Variants in AGO2 observed in about 807,000 individuals in gnomAD.
The protein encoded by AGO2 is protein argonaute-2.
In AGO2, 5 loss-of-function variants were observed where a neutral mutation model predicts 102.3. The observed-to-expected ratio is 0.05, with a 90% confidence interval of 0.03 to 0.10. AGO2 has a LOEUF of 0.10. AGO2 is among the 10% of genes least tolerant of loss of function. The probability of loss-of-function intolerance (pLI) is 1.00; values close to 1 mark genes in which losing one functional copy is unlikely to be tolerated. For synonymous variants in AGO2, 449 were observed against 473.1 expected (o/e 0.95, Z 0.66); for missense variants, 541 against 1,183.7 (o/e 0.46, Z 7.97).
intron 1 of AGO2, among the ~76,000 whole-genome samples, chr8:140,595,628 A>T (rs377571292): frequency 5.5e-4 from 60 of 109,328 alleles, no homozygotes; most frequent in Admixed American, 1.4e-3. Context: ...ATATATATAT[A>T]TTATATATAT....
chr8:140,633,899 C>T (rs983159823), intron 1 of AGO2, among the ~76,000 whole-genome samples: 1 of 152,262 alleles, frequency 6.6e-6, no homozygotes, highest in Non-Finnish European at 1.5e-5. Context: ...ACACAGAAAG[C>T]TTGACCTTCC....
rs1190118996 is a variant in AGO2 at position 140,527,356 on chromosome 8, T to C, written c.*4688A>G. Reference sequence around the variant, plus strand: ...GCAGTGTCTCCACAACAGAGCCACGTGTTGCATTCATGTCACTTCTCCTAC... The same window carrying C: ...GCAGTGTCTCCACAACAGAGCCACGCGTTGCATTCATGTCACTTCTCCTAC... On this transcript the variant is annotated 3_prime_UTR_variant, in exon 19 of 19. Coordinates refer to ENST00000220592, the MANE Select transcript of AGO2 (RefSeq NM_012154.5). This position sits in a 1 kb window ranked among gnomAD's most constrained non-coding sequence, Gnocchi z 6.0. 2 of 152,362 alleles carry C rather than the reference T, an allele frequency of 1.3e-5. No homozygotes were observed. Among genetic ancestry groups the C allele is most frequent in the Admixed American group, 6.5e-5 (1 of 15,284 alleles). 9.4% of individuals were successfully genotyped at this position (152,362 alleles called of 1,614,324 possible). A position where few individuals can be genotyped will look rare whatever the true frequency, so the allele number is the denominator to read the frequency against.
chr8:140,576,027 G>A (rs13251004), intron 2 of AGO2, among the ~76,000 whole-genome samples: 38,372 of 152,028 alleles, frequency 0.25, 5,347 homozygotes, highest in Non-Finnish European at 0.31. Context: ...TTATAAAAAT[G>A]AAAAGACAAG....
chr8:140,597,137 C>T (rs371493497), intron 1 of AGO2, among the ~76,000 whole-genome samples: 60 of 152,356 alleles, frequency 3.9e-4, no homozygotes, highest in African/African-American at 1.4e-3. Flanking sequence ...AGAGCTGTTT[C>T]GTTCATTTAT....
upstream of AGO2, chr8:140,637,963 C>G (rs1454959891): frequency 1.3e-5 from 2 of 152,342 alleles, no homozygotes; most frequent in East Asian, 1.9e-4. Flanking sequence ...CGGATGGTGA[C>G]TCAGCCGACT....
chr8:140,631,841 G>A (rs1389182087), intron 1 of AGO2, among the ~76,000 whole-genome samples: 1 of 152,176 alleles, frequency 6.6e-6, no homozygotes, highest in Non-Finnish European at 1.5e-5. Context: ...TTTGGAAAAC[G>A]TCCACAAAGA....
chr8:140,631,059 A>C (rs1287942937), intron 1 of AGO2, among the ~76,000 whole-genome samples: 2 of 152,188 alleles, frequency 1.3e-5, no homozygotes, highest in Non-Finnish European at 2.9e-5. Flanking sequence ...AACCCTCAGA[A>C]ACAAACAAAA....
chr8:140,626,824 C>T (rs888868657), intron 1 of AGO2: 1 of 152,316 alleles, frequency 6.6e-6, no homozygotes, highest in Admixed American at 6.5e-5. Flanking sequence ...ACCCGTGTTA[C>T]TCTATTAATT....
At chr8:140,542,055 GA>G (rs1418285402) in intron 14 of AGO2, among the ~76,000 whole-genome samples, 4 of 152,088 alleles carry the variant, frequency 2.6e-5, no homozygotes, top group Non-Finnish European at 4.4e-5. Flanking sequence ...CAGCATCCCC[GA>G]AGGCACACCA....
intron 10 of AGO2, among the ~76,000 whole-genome samples, chr8:140,552,161 A>G (rs1163734487): frequency 6.6e-6 from 1 of 152,198 alleles, no homozygotes; most frequent in African/African-American, 2.4e-5. Context: ...CCCCTCCTCT[A>G]TCACCAATGA....
chr8:140,575,289 AGCCAGGGCACAATCTCACCTGGCACCTC>A (rs1219561655), intron 2 of AGO2, among the ~76,000 whole-genome samples: 2 of 149,744 alleles, frequency 1.3e-5, no homozygotes, highest in African/African-American at 2.5e-5. Context: ...CCTCCCTGGC[AGCCAGGGCACAATCTCACCTGGCACCTC>A]CCTGGCAGCC....
Position 140,550,578 on chromosome 8 carries a change from T to C in AGO2, c.1403+725A>G, listed in dbSNP as rs566044814. Among the ~76,000 whole-genome samples the C allele has an allele frequency of 3.8e-4, 58 of 152,294 alleles. No individual in the cohort carries two copies. The South Asian group carries it at 0.011, about 30-fold the overall frequency. On this transcript the variant is annotated intron_variant, in intron 11 of 18. Transcript: ENST00000220592. ...CACTCCTCTTGTCTGGGAAGGAAGA[T>C]AACACTCCCAGCCTCTCCACCTCTC...
chr8:140,549,356 G>A (rs903789467), intron 11 of AGO2, 58 bp from the exon 12 acceptor site: 46 of 1,497,042 alleles, frequency 3.1e-5, no homozygotes, highest in Middle Eastern at 3.6e-4. Flanking sequence ...AACTCAGGCC[G>A]ACCAGAGGCT....
At chr8:140,613,369 A>G (rs2074105053) in intron 1 of AGO2, among the ~76,000 whole-genome samples, 1 of 152,256 alleles carries the variant, frequency 6.6e-6, no homozygotes, top group African/African-American at 2.4e-5. Flanking sequence ...TATCTTTCAT[A>G]AAAACATTTA....
At chr8:140,551,545 A>T in intron 10 of AGO2, 109 bp from the exon 11 acceptor site, 1 of 1,276,816 alleles carries the variant, frequency 7.8e-7, no homozygotes, top group Non-Finnish European at 1.0e-6. Flanking sequence ...ACTGCTTCTC[A>T]GGGAAAGAAC....
rs1469022445 is a variant in AGO2 at position 140,525,040 on chromosome 8, C to T, written c.*7004G>A. On this transcript the variant is annotated 3_prime_UTR_variant, in exon 19 of 19. Coordinates refer to ENST00000220592, the MANE Select transcript of AGO2 (RefSeq NM_012154.5). ...GAGATAACTCAGCCTCTTCCTACCC[C>T]CCAAAAGGGGGCTGGGGGCTGAGGT... 6.6e-6 allele frequency: 1 copy of T among 152,202 alleles called. No individual in the cohort carries two copies. The highest frequency in any genetic ancestry group is 1.9e-4 in the East Asian group (1 of 5,194). The allele number at this position is 152,202 out of a possible 1,614,324, so 9.4% of individuals were successfully genotyped here. A position where few individuals can be genotyped will look rare whatever the true frequency, so the allele number is the denominator to read the frequency against.
At chr8:140,535,446 C>G (rs778888186) in intron 17 of AGO2, 22 bp downstream of exon 17, 11 of 1,611,042 alleles carry the variant, frequency 6.8e-6, no homozygotes, top group African/African-American at 1.3e-5. Flanking sequence ...AGACTCTGTC[C>G]GAAGGGGACT....
At chr8:140,583,676 G>A (rs1021166129) in intron 2 of AGO2, among the ~76,000 whole-genome samples, 1 of 152,110 alleles carries the variant, frequency 6.6e-6, no homozygotes, top group Non-Finnish European at 1.5e-5. Context: ...GAGTTCAAGA[G>A]TAGCCTGGCC....
rs750394835 is a variant in AGO2, at chr8:140,572,912, A to G, written c.236T>C (p.Val79Ala). 6.2e-7 allele frequency: 1 copy of G among 1,610,526 alleles called. No individual in the cohort carries two copies. The highest frequency in any genetic ancestry group is 1.1e-5 in the South Asian group (1 of 89,810). The change falls in exon 3 of 19, where the codon GTC becomes GCC. Residue 79 changes from valine (V) to alanine (A), a missense_variant. Physicochemically the swap from Val to Ala is moderately conservative, Grantham distance 64 (BLOSUM62 0). This residue lies in a region of AGO2 where 147 missense variants were observed against 204.1 expected (regional missense o/e 0.72). Coordinates refer to ENST00000220592, the MANE Select transcript of AGO2 (RefSeq NM_012154.5). ...RVNREIVEHMVQHFKTQIFGD... is the reference protein window; with the variant it reads ...RVNREIVEHMAQHFKTQIFGD... ...AAAGATCTGTGTTTTAAAGTGCTGGACCATGTGTTCCACGATTTCCCTGAA... is the reference window on the plus strand; with the variant it reads ...AAAGATCTGTGTTTTAAAGTGCTGGGCCATGTGTTCCACGATTTCCCTGAA...
Sources: gnomAD v4.1 joint callset for allele counts (sites outside exome capture counted in the v4.1 genomes callset) on GRCh38, gnomAD v4.1.1 for gene constraint, gnomAD v4.1.1 regional missense constraint, Gnocchi (gnomAD v3.1) non-coding constraint, MANE v1.5 for transcripts, NCBI Gene and HGNC (gene_info 2026-07-23, HGNC 2026-07-21) for gene names.